ZCCHC14: variants seen among roughly 807,000 people sequenced by gnomAD.
The protein encoded by ZCCHC14 is zinc finger CCHC-type containing 14.
Under a neutral mutation model 85.0 loss-of-function variants are expected in ZCCHC14, and 16 were observed. The observed-to-expected ratio is 0.19, with a 90% CI of 0.13 to 0.29. ZCCHC14 has a LOEUF of 0.29. ZCCHC14 is among the 10% of genes least tolerant of loss of function. The pLI is 1.00. For synonymous variants in ZCCHC14, 775 were observed against 630.7 expected (o/e 1.23, Z -3.43); for missense variants, 1,303 against 1,443.5 (o/e 0.90, Z 1.58).
intron 6 of ZCCHC14, 24 bp from the exon 7 acceptor site, chr16:87,418,925 A>T: frequency 6.4e-7 from 1 of 1,566,042 alleles, no homozygotes; most frequent in Non-Finnish European, 8.7e-7. Flanking sequence ...AATAAATACC[A>T]TAAAAATTTA....
chr16:87,434,853 T>G (rs1240155515), intron 2 of ZCCHC14, among the ~76,000 whole-genome samples: 2 of 151,848 alleles, frequency 1.3e-5, no homozygotes, highest in Non-Finnish European at 2.9e-5. Flanking sequence ...TAGCTGGGTG[T>G]AGTGGCGGAC....
chr16:87,474,624 C>A (rs76830332), intron 1 of ZCCHC14, among the ~76,000 whole-genome samples: 1 of 152,246 alleles, frequency 6.6e-6, no homozygotes, highest in Admixed American at 6.5e-5. Context: ...GAGCACTGCA[C>A]GGGTTTCTTG....
intron 1 of ZCCHC14, among the ~76,000 whole-genome samples, chr16:87,468,868 C>T (rs2150766861): frequency 6.6e-6 from 1 of 152,258 alleles, no homozygotes; most frequent in South Asian, 2.1e-4. Context: ...GCTGAGAGGC[C>T]CTCCCTGATA....
intron 5 of ZCCHC14, 23 bp from the exon 6 acceptor site, chr16:87,419,900 T>C (rs1177458288): frequency 1.9e-6 from 3 of 1,570,112 alleles, no homozygotes; most frequent in East Asian, 2.3e-5. Context: ...CAAGTGGTCT[T>C]ATCAACATTA....
At chr16:87,411,379 A>G in intron 12 of ZCCHC14, 137 bp downstream of exon 12, 1 of 1,511,688 alleles carries the variant, frequency 6.6e-7, no homozygotes, top group East Asian at 2.3e-5. Context: ...TATCATGAAG[A>G]TTTCCACGCG....
intron 1 of ZCCHC14, among the ~76,000 whole-genome samples, chr16:87,460,568 T>C (rs918777498): frequency 2.0e-4 from 30 of 152,122 alleles, no homozygotes; most frequent in Admixed American, 1.8e-3. Context: ...CAAGTGCCTA[T>C]AGTCCCAGCT....
chr16:87,492,417 G>T lies in ZCCHC14; in HGVS notation c.-179C>A, dbSNP rs971345801. ...GGCGCCGGGGCGGGGGCGGGGACCG[G>T]GGCCGGGCAAGGCTCCCGTCAGGGG... On this transcript the variant is annotated 5_prime_UTR_variant, in exon 1 of 13. Transcript: ENST00000671377. The surrounding 1 kb of genome is among the most constrained non-coding windows in gnomAD (Gnocchi z 6.7). 6.2e-5 allele frequency: 9 copies of T among 145,108 alleles called. No homozygotes were observed. Among genetic ancestry groups the T allele is most frequent in the Admixed American group, 4.8e-4 (7 of 14,650 alleles). The allele number at this position is 145,108 out of a possible 1,614,324, so 9.0% of individuals were successfully genotyped here.
chr16:87,486,942 C>T (rs1912537837), intron 1 of ZCCHC14, among the ~76,000 whole-genome samples: 1 of 152,204 alleles, frequency 6.6e-6, no homozygotes. Context: ...CTAGATGACT[C>T]TTGGCTGCAA....
chr16:87,473,589 G>T (rs1350964381), intron 1 of ZCCHC14: 1 of 152,150 alleles, frequency 6.6e-6, no homozygotes, highest in African/African-American at 2.4e-5. Context: ...TAAATACTGG[G>T]GTTTTCTTAG....
intron 2 of ZCCHC14, among the ~76,000 whole-genome samples, chr16:87,456,806 C>A (rs1910991032): frequency 6.6e-6 from 1 of 152,140 alleles, no homozygotes; most frequent in Non-Finnish European, 1.5e-5. Context: ...TCTTTGGAAT[C>A]TCTAATTTTT....
In ZCCHC14 at chr16:87,460,095, T is replaced by C. The variant is rs1360506201; in HGVS notation, c.607A>G (p.Ser203Gly). Residue 203 changes from serine to glycine, a missense_variant, in exon 2 of 13, where the codon AGT becomes GGT. Coordinates refer to ENST00000671377, the MANE Select transcript of ZCCHC14 (RefSeq NM_015144.3). Reference protein sequence around the residue: ...PRTEAPVSSVSNSLENALHTS... With the variant: ...PRTEAPVSSVGNSLENALHTS... ...TGCAGGGCATTCTCCAAACTATTACTGACACTGCTGACAGGGGCCTCAGTT... is the reference window on the plus strand; with the variant it reads ...TGCAGGGCATTCTCCAAACTATTACCGACACTGCTGACAGGGGCCTCAGTT... The C allele has an allele frequency of 6.2e-7, 1 of 1,614,164 alleles. No individual in the cohort carries two copies. The highest frequency in any genetic ancestry group is 8.5e-7 in the Non-Finnish European group (1 of 1,180,004).
At position 87,469,866 on chromosome 16, in the gene ZCCHC14, C is replaced by A. The variant is rs374434649; in HGVS notation, c.571-9735G>T. Among the ~76,000 whole-genome samples, 15 of 152,216 alleles carry A rather than the reference C, an allele frequency of 9.9e-5. No individual in the cohort carries two copies. The East Asian group carries it at 2.9e-3, about 29-fold the overall frequency. On this transcript the variant is annotated intron_variant, in intron 1 of 12. Transcript: ENST00000671377. ...ACAGAGCCACCCACAGCCACCCCAG[C>A]TCCGTGTTCCCTGCACTGGGGGCCA...
At chr16:87,475,122 C>T (rs1407040878) in intron 1 of ZCCHC14, among the ~76,000 whole-genome samples, 2 of 152,212 alleles carry the variant, frequency 1.3e-5, no homozygotes, top group Non-Finnish European at 2.9e-5. Flanking sequence ...AGACCAGGCA[C>T]AGGACACACC....
intron 2 of ZCCHC14, among the ~76,000 whole-genome samples, chr16:87,453,081 T>C (rs1007561232): frequency 6.6e-6 from 1 of 152,192 alleles, no homozygotes; most frequent in Non-Finnish European, 1.5e-5. Flanking sequence ...GATTGGCTTC[T>C]GAACAAGCTG....
intron 2 of ZCCHC14, among the ~76,000 whole-genome samples, chr16:87,457,683 A>C (rs1237942640): frequency 6.6e-6 from 1 of 152,218 alleles, no homozygotes. Context: ...CCAAAACAGA[A>C]GTAGGATACA....
At chr16:87,414,091 C>G (rs750332306) in intron 10 of ZCCHC14, among the ~76,000 whole-genome samples, 4 of 150,852 alleles carry the variant, frequency 2.7e-5, no homozygotes, top group African/African-American at 7.3e-5. Context: ...CTCTCTGTGT[C>G]TGCGTAACCG....
chr16:87,436,697 C>T lies in ZCCHC14; in HGVS notation c.695-3496G>A, dbSNP rs960788535. 9.9e-5 allele frequency among the ~76,000 whole-genome samples: 15 copies of T among 152,188 alleles called. 1 individual carries two copies. Among genetic ancestry groups the T allele is most frequent in the African/African-American group, 3.6e-4 (15 of 41,430 alleles). On this transcript the variant is annotated intron_variant, in intron 2 of 12. Transcript: ENST00000671377. The stretch of plus-strand genomic sequence containing the variant: ...ACATTTACCTATGTAACAACCTGCA[C>T]ATCCTGCACACGTACCCCAGAACTT...
intron 12 of ZCCHC14, 49 bp downstream of exon 12, chr16:87,411,467 G>A (rs540821029): frequency 1.4e-5 from 22 of 1,597,598 alleles, no homozygotes; most frequent in East Asian, 1.3e-4. Flanking sequence ...GCATTTGTGT[G>A]CACTGGTCCT....
At chr16:87,477,117 T>A (rs1440465093) in intron 1 of ZCCHC14, among the ~76,000 whole-genome samples, 1 of 63,764 alleles carries the variant, frequency 1.6e-5, no homozygotes, top group African/African-American at 1.3e-4. Context: ...AGAGACTCAG[T>A]CTCAAAAAAA....
Sources: gnomAD v4.1 joint callset for allele counts (sites outside exome capture counted in the v4.1 genomes callset) on GRCh38, gnomAD v4.1.1 for gene constraint, Gnocchi (gnomAD v3.1) non-coding constraint, MANE v1.5 for transcripts, NCBI Gene and HGNC (gene_info 2026-07-23, HGNC 2026-07-21) for gene names.